ATP8A2: variants seen among roughly 807,000 people sequenced by gnomAD.
ATP8A2 encodes the protein phospholipid-transporting ATPase IB.
In ATP8A2, 100 loss-of-function variants were observed where a neutral mutation model predicts 165.6. The ratio of observed to expected loss-of-function variants is 0.60; its 90% confidence interval spans 0.51 to 0.71. The LOEUF is 0.71. Among genes scored for constraint, ATP8A2 ranks in the 30% least tolerant of loss-of-function variants. ATP8A2 has a pLI of 0.00. For synonymous variants in ATP8A2, 543 were observed against 548.8 expected, an observed-to-expected ratio of 0.99 and a Z score of 0.15; for missense variants, 1,227 against 1,479.5, an observed-to-expected ratio of 0.83 and a Z score of 2.80.
At chr13:25,952,519 T>C (rs1232467147) in intron 33 of ATP8A2, among the ~76,000 whole-genome samples, 1 of 152,062 alleles carries the variant, frequency 6.6e-6, no homozygotes, top group Non-Finnish European at 1.5e-5. Context: ...TTTCTGGGAC[T>C]ACAAGCGCAC....
At chr13:25,810,219 A>G (rs914064300) in intron 27 of ATP8A2, among the ~76,000 whole-genome samples, 1 of 152,142 alleles carries the variant, frequency 6.6e-6, no homozygotes, top group African/African-American at 2.4e-5. Context: ...CATACTTCTA[A>G]TCTTATTGCT....
chr13:25,613,204 T>C (rs918443501), intron 24 of ATP8A2, among the ~76,000 whole-genome samples: 5 of 152,234 alleles, frequency 3.3e-5, no homozygotes, highest in South Asian at 2.1e-4. Context: ...TGTGTTACTG[T>C]TTGATAGGTC....
intron 24 of ATP8A2, among the ~76,000 whole-genome samples, chr13:25,689,350 A>G (rs1395533304): frequency 1.3e-5 from 2 of 152,240 alleles, no homozygotes; most frequent in African/African-American, 4.8e-5. Context: ...TCTTAATGAG[A>G]TTAATAACCC....
intron 24 of ATP8A2, among the ~76,000 whole-genome samples, chr13:25,646,002 A>G (rs2041660690): frequency 6.6e-6 from 1 of 152,150 alleles, no homozygotes; most frequent in South Asian, 2.1e-4. Flanking sequence ...TATTATTGAA[A>G]GTGGAGTATT....
At position 25,537,995 on chromosome 13, in the gene ATP8A2, T is replaced by G. The variant is rs2038343275; in HGVS notation, c.515T>G (p.Val172Gly). The part of the protein sequence containing the change: ...WHTIMWKEVA[V>G]GDIVKVVNGQ... Reference sequence around the variant, plus strand: ...TCATCCCTGTCTCTCTAGGTGGCAGTGGGAGACATTGTGAAGGTCGTCAAT... The same window carrying G: ...TCATCCCTGTCTCTCTAGGTGGCAGGGGGAGACATTGTGAAGGTCGTCAAT... The change falls in exon 7 of 37, where the codon GTG becomes GGG. Residue 172 changes from valine to glycine, a missense_variant. Physicochemically the swap from Val to Gly is moderately radical, Grantham distance 109. Transcript: ENST00000381655. 6.2e-7 allele frequency: 1 copy of G among 1,612,918 alleles called. No homozygotes were observed. Among genetic ancestry groups the G allele is most frequent in the Non-Finnish European group, 8.5e-7 (1 of 1,178,930 alleles).
intron 25 of ATP8A2, among the ~76,000 whole-genome samples, chr13:25,728,419 G>C (rs2043541568): frequency 6.6e-6 from 1 of 152,218 alleles, no homozygotes; most frequent in Non-Finnish European, 1.5e-5. Context: ...TGCTTAGAGA[G>C]TGGGGGTAAC....
intron 13 of ATP8A2, among the ~76,000 whole-genome samples, chr13:25,558,224 T>C (rs1014866088): frequency 6.6e-6 from 1 of 152,192 alleles, no homozygotes; most frequent in Non-Finnish European, 1.5e-5. Flanking sequence ...ATATGATATT[T>C]TAATTTTCTT....
intron 2 of ATP8A2, among the ~76,000 whole-genome samples, chr13:25,481,743 T>A (rs1042644533): frequency 6.6e-6 from 1 of 152,172 alleles, no homozygotes; most frequent in Non-Finnish European, 1.5e-5. Context: ...GCGGGCTCTC[T>A]CCTGGCTTGC....
chr13:25,748,334 A>T lies in ATP8A2; in HGVS notation c.2385-20712A>T, dbSNP rs575764467. 2.6e-5 allele frequency among the ~76,000 whole-genome samples: 4 copies of T among 152,362 alleles called. No homozygotes were observed. The South Asian group carries it at 8.3e-4, about 32-fold the overall frequency. ...TGAATGTTCTTTAGAAGTGTTTGGA[A>T]TGACCTGATTTTTCTCCTCAGGACA... On this transcript the variant is annotated intron_variant, in intron 25 of 36. Transcript: ENST00000381655.
chr13:25,558,682 G>T (rs769344601), intron 13 of ATP8A2, among the ~76,000 whole-genome samples: 1 of 151,986 alleles, frequency 6.6e-6, no homozygotes, highest in African/African-American at 2.4e-5. Flanking sequence ...CAAATGTTAC[G>T]TGTAGAATGA....
chr13:25,774,207 C>T (rs910034355), intron 26 of ATP8A2, among the ~76,000 whole-genome samples: 20 of 152,192 alleles, frequency 1.3e-4, no homozygotes, highest in African/African-American at 4.6e-4. Flanking sequence ...AATACACATA[C>T]ACCATGGAAT....
intron 25 of ATP8A2, among the ~76,000 whole-genome samples, chr13:25,767,141 G>T (rs1184608590): frequency 6.6e-6 from 1 of 152,246 alleles, no homozygotes; most frequent in Admixed American, 6.5e-5. Context: ...TCACTTTTGT[G>T]TAGCCAGTTA....
intron 35 of ATP8A2, among the ~76,000 whole-genome samples, chr13:25,971,987 CCTTAAAGGACATTCTG>C (rs1169860733): frequency 6.6e-6 from 1 of 152,068 alleles, no homozygotes; most frequent in East Asian, 1.9e-4. Flanking sequence ...GCTTAGGGCC[CCTTAAAGGACATTCTG>C]CCAGGTCATA....
At chr13:25,648,799 A>T (rs999359013) in intron 24 of ATP8A2, among the ~76,000 whole-genome samples, 2 of 152,164 alleles carry the variant, frequency 1.3e-5, no homozygotes, top group African/African-American at 4.8e-5. Context: ...TACTTGTTAT[A>T]TTGTATTTTT....
At chr13:25,558,949 T>C in intron 13 of ATP8A2, 24 bp from the exon 14 acceptor site, 1 of 1,476,808 alleles carries the variant, frequency 6.8e-7, no homozygotes, top group South Asian at 1.2e-5. Context: ...TCCTGATGTA[T>C]ATTTCTTTTA....
At chr13:25,950,270 C>T (rs921286534) in intron 33 of ATP8A2, among the ~76,000 whole-genome samples, 1 of 152,176 alleles carries the variant, frequency 6.6e-6, no homozygotes, top group Non-Finnish European at 1.5e-5. Flanking sequence ...ATCCAGATAA[C>T]AGCTTCAGGA....
At chr13:25,576,072 G>A (rs2039610256) in intron 19 of ATP8A2, among the ~76,000 whole-genome samples, 1 of 152,118 alleles carries the variant, frequency 6.6e-6, no homozygotes. Flanking sequence ...ATACTCCCGC[G>A]AAGTACTTGC....
At chr13:25,415,664 C>A (rs1593276648) in intron 1 of ATP8A2, among the ~76,000 whole-genome samples, 1 of 152,168 alleles carries the variant, frequency 6.6e-6, no homozygotes. Context: ...ACACTGGCTT[C>A]CTGCTGTTCT....
intron 27 of ATP8A2, among the ~76,000 whole-genome samples, chr13:25,776,688 C>T (rs1015521877): frequency 6.6e-6 from 1 of 152,120 alleles, no homozygotes; most frequent in Non-Finnish European, 1.5e-5. Flanking sequence ...CACTCAAGGT[C>T]ATGGACGATA....
Sources: gnomAD v4.1 joint callset for allele counts (sites outside exome capture counted in the v4.1 genomes callset) on GRCh38, gnomAD v4.1.1 for gene constraint, MANE v1.5 for transcripts, NCBI Gene and HGNC (gene_info 2026-07-23, HGNC 2026-07-21) for gene names.